Variants in LARP4B observed in about 807,000 individuals in gnomAD.
The protein encoded by LARP4B is La ribonucleoprotein 4B, also known as la-related protein 4B.
A neutral mutation model predicts 89.8 loss-of-function variants in LARP4B; 12 were observed. The ratio of observed to expected loss-of-function variants is 0.13; its 90% CI spans 0.09 to 0.22. LARP4B has a LOEUF of 0.22. Ranked by LOEUF, LARP4B falls within the 10% of genes least tolerant of loss-of-function variation. The pLI is 1.00. For synonymous variants in LARP4B, 367 were observed against 363.3 expected (o/e 1.01, Z -0.12); for missense variants, 757 against 947.7 (o/e 0.80, Z 2.64).
chr10:983,176 C>T, the LARP4B span, among the ~76,000 whole-genome samples: 18 of 151,890 alleles, frequency 1.2e-4, no homozygotes, highest in Non-Finnish European at 2.5e-4. Flanking sequence ...TCTTTAGATG[C>T]CAATGCAGTA....
At chr10:944,185 T>G in the LARP4B span, among the ~76,000 whole-genome samples, 2 of 152,090 alleles carry the variant, frequency 1.3e-5, no homozygotes, top group Non-Finnish European at 2.9e-5. Flanking sequence ...ACTTCAACAT[T>G]CACCTGCTAC....
chr10:814,408 C>T lies in LARP4B; in HGVS notation c.1929+334G>A, dbSNP rs111556290. 0.013 allele frequency: 5,099 copies of T among 383,254 alleles called. 55 individuals carry two copies. The highest frequency in any genetic ancestry group is 0.02 in the Non-Finnish European group (3,899 of 191,748). 23.7% of individuals were successfully genotyped at this position (383,254 alleles called of 1,614,324 possible). A position where few individuals can be genotyped will look rare whatever the true frequency, so the allele number is the denominator to read the frequency against. On this transcript the variant is annotated intron_variant, in intron 17 of 17. Coordinates refer to ENST00000316157, the MANE Select transcript of LARP4B (RefSeq NM_015155.3). This position sits in a 1 kb window ranked among gnomAD's most constrained non-coding sequence, Gnocchi z 4.4. ...CAGACACACGATGCGCGCGCACGCA[C>T]GCAAACATACACACACGCGCGAAAT...
At chr10:947,597 AT>A in the LARP4B span, among the ~76,000 whole-genome samples, 6 of 152,114 alleles carry the variant, frequency 3.9e-5, no homozygotes, top group East Asian at 1.2e-3. Flanking sequence ...CTCCCAAATC[AT>A]GACCTTAATG....
intron 1 of LARP4B, among the ~76,000 whole-genome samples, chr10:904,076 C>G (rs78204191): frequency 0.012 from 1,765 of 152,150 alleles, 32 homozygotes; most frequent in African/African-American, 0.04. Context: ...TTTTGAGCAC[C>G]AACATGACAT....
At chr10:912,757 G>A (rs1286249393) in intron 1 of LARP4B, among the ~76,000 whole-genome samples, 1 of 151,908 alleles carries the variant, frequency 6.6e-6, no homozygotes, top group African/African-American at 2.4e-5. Context: ...GGGCATGGTG[G>A]CGTGCGCCTG....
the LARP4B span, among the ~76,000 whole-genome samples, chr10:965,085 G>A: frequency 6.6e-6 from 1 of 152,216 alleles, no homozygotes; most frequent in African/African-American, 2.4e-5. Flanking sequence ...GTGGACGGGG[G>A]ACCTGCTAGG....
intron 7 of LARP4B, among the ~76,000 whole-genome samples, chr10:837,578 A>C (rs1833289184): frequency 6.6e-6 from 1 of 152,244 alleles, no homozygotes; most frequent in Non-Finnish European, 1.5e-5. Context: ...TGATTAAGAC[A>C]CTGTAGTGTT....
intron 1 of LARP4B, among the ~76,000 whole-genome samples, chr10:911,486 G>T (rs138473385): frequency 1.1e-3 from 170 of 152,230 alleles, no homozygotes; most frequent in African/African-American, 3.9e-3. Context: ...GATTTTTGTG[G>T]AGGAAAATAC....
the LARP4B span, among the ~76,000 whole-genome samples, chr10:947,770 C>T: frequency 9.2e-5 from 14 of 152,066 alleles, no homozygotes; most frequent in South Asian, 4.2e-4. Flanking sequence ...TACAGGGATG[C>T]GCCACCACGC....
At chr10:815,471 G>A (rs559644175) in intron 15 of LARP4B, 6 of 154,008 alleles carry the variant, frequency 3.9e-5, no homozygotes, top group African/African-American at 9.6e-5. Context: ...CATTCACACC[G>A]CTGAGAAAAA....
the LARP4B span, among the ~76,000 whole-genome samples, chr10:943,776 G>A: frequency 2.0e-5 from 3 of 152,062 alleles, no homozygotes; most frequent in African/African-American, 2.4e-5. Flanking sequence ...AGGAGGGCCC[G>A]GGTCGGGAGG....
At chr10:887,637 G>A (rs1189246363) in intron 1 of LARP4B, among the ~76,000 whole-genome samples, 1 of 152,026 alleles carries the variant, frequency 6.6e-6, no homozygotes, top group Admixed American at 6.5e-5. Flanking sequence ...CTTCAACCTG[G>A]GAGGCAGAGG....
chr10:833,272 A>AAAAC (rs1833012186), intron 8 of LARP4B, among the ~76,000 whole-genome samples: 3 of 148,316 alleles, frequency 2.0e-5, no homozygotes, highest in African/African-American at 7.4e-5. Context: ...AAAAAAAAAA[A>AAAAC]AAAAAAAAAA....
At chr10:964,761 A>G in the LARP4B span, among the ~76,000 whole-genome samples, 16 of 152,218 alleles carry the variant, frequency 1.1e-4, no homozygotes, top group African/African-American at 3.1e-4. Context: ...GACAGTGGCC[A>G]GGACTGTGCT....
the LARP4B span, among the ~76,000 whole-genome samples, chr10:975,795 G>A: frequency 2.0e-5 from 3 of 151,708 alleles, no homozygotes; most frequent in South Asian, 6.2e-4. Flanking sequence ...TGCAACGTGT[G>A]GACCCGGCCT....
chr10:832,792 G>A lies in LARP4B; in HGVS notation c.751-1815C>T, dbSNP rs1043792526. Among the ~76,000 whole-genome samples, 7 of 152,026 alleles carry A rather than the reference G, an allele frequency of 4.6e-5. No homozygotes were observed. In the South Asian group the frequency reaches 6.2e-4, roughly 14 times the overall value. ...CTAAAGCTGAAAAAAATTCATCATCGGCAGACCTGTACAAGACATGCTAAA... is the reference window on the plus strand; with the variant it reads ...CTAAAGCTGAAAAAAATTCATCATCAGCAGACCTGTACAAGACATGCTAAA... On this transcript the variant is annotated intron_variant, in intron 8 of 17. Coordinates refer to ENST00000316157, the MANE Select transcript of LARP4B (RefSeq NM_015155.3).
At chr10:954,011 G>GA in the LARP4B span, among the ~76,000 whole-genome samples, 39 of 152,374 alleles carry the variant, frequency 2.6e-4, 1 homozygote, top group African/African-American at 9.4e-4. The surrounding 1 kb of genome is among the most constrained non-coding windows in gnomAD (Gnocchi z 5.0). Flanking sequence ...CTGCCAGGCA[G>GA]AGCCACATGG....
chr10:880,151 G>T (rs1485013108), intron 3 of LARP4B, among the ~76,000 whole-genome samples: 1 of 152,142 alleles, frequency 6.6e-6, no homozygotes, highest in Non-Finnish European at 1.5e-5. Context: ...AACATACCAA[G>T]AGCAGCCACG....
At chr10:866,727 C>A (rs556729450) in intron 3 of LARP4B, among the ~76,000 whole-genome samples, 6 of 152,360 alleles carry the variant, frequency 3.9e-5, no homozygotes, top group African/African-American at 1.4e-4. Flanking sequence ...GCACATACTA[C>A]ACGTGCTTTA....
Sources: allele counts gnomAD v4.1 joint callset (sites outside exome capture counted in the v4.1 genomes callset), GRCh38; gene constraint gnomAD v4.1.1; non-coding constraint Gnocchi (gnomAD v3.1); transcripts MANE v1.5; gene names NCBI Gene and HGNC (gene_info 2026-07-23, HGNC 2026-07-21).